Variants in FOLH1 observed in about 807,000 individuals in gnomAD.
The protein encoded by FOLH1 is glutamate carboxypeptidase 2.
In FOLH1, 54 loss-of-function variants were observed where a neutral mutation model predicts 93.9. The ratio of observed to expected loss-of-function variants is 0.57; its 90% CI spans 0.46 to 0.72. The LOEUF (loss-of-function observed/expected upper bound fraction) is 0.72. FOLH1 is among the 30% of genes least tolerant of loss of function. The probability of loss-of-function intolerance (pLI) is 0.00; values close to 1 mark genes in which losing one functional copy is unlikely to be tolerated. For missense variants in FOLH1, 571 were observed against 892.5 expected, an observed-to-expected ratio of 0.64 and a Z score of 4.59; for synonymous variants, 249 against 303.6, an observed-to-expected ratio of 0.82 and a Z score of 1.87.
intron 9 of FOLH1, 108 bp downstream of exon 9, chr11:49,174,784 T>C (rs545141977): frequency 8.4e-6 from 8 of 953,832 alleles, no homozygotes; most frequent in South Asian, 3.4e-5. Context: ...TTTCTTCGTT[T>C]GTTTGTTTGT....
chr11:49,174,891 C>T lies in FOLH1; in HGVS notation c.1105+1G>A. 2 of 1,605,000 alleles carry T rather than the reference C, an allele frequency of 1.2e-6. No homozygotes were observed. Among genetic ancestry groups the T allele is most frequent in the Non-Finnish European group, 1.7e-6 (2 of 1,173,626 alleles). ...ATTTGCTAAGCAAACGATTCCTTTA[C>T]CTGGTTCCACTGCTCCTCTGAGAGT... On this transcript the variant is annotated splice_donor_variant, in intron 9 of 18. Transcript: ENST00000256999. LOFTEE classifies it high-confidence loss of function.
At chr11:49,179,062 A>T (rs1365085514) in intron 7 of FOLH1, among the ~76,000 whole-genome samples, 1 of 152,224 alleles carries the variant, frequency 6.6e-6, no homozygotes, top group Non-Finnish European at 1.5e-5. Flanking sequence ...AAAAATTTGG[A>T]CAAAAGAAAG....
chr11:49,192,594 A>G (rs1001516848), intron 4 of FOLH1, among the ~76,000 whole-genome samples, 199 bp downstream of exon 4: 3 of 152,222 alleles, frequency 2.0e-5, no homozygotes, highest in Non-Finnish European at 2.9e-5. Context: ...CATTGCAGTA[A>G]GTTGTATCTT....
chr11:49,174,759 G>A (rs1859790365), intron 9 of FOLH1, 133 bp downstream of exon 9: 1 of 787,176 alleles, frequency 1.3e-6, no homozygotes, highest in Non-Finnish European at 2.0e-6. Context: ...TTGTTTTTAG[G>A]TGAGTTCCAC....
chr11:49,174,032 T>C (rs1859697005), intron 9 of FOLH1, among the ~76,000 whole-genome samples: 1 of 152,176 alleles, frequency 6.6e-6, no homozygotes, highest in African/African-American at 2.4e-5. Context: ...TGATAAAGCA[T>C]TGATCACCCT....
chr11:49,205,472 A>G (rs1317168672), intron 2 of FOLH1, among the ~76,000 whole-genome samples: 2 of 152,180 alleles, frequency 1.3e-5, no homozygotes, highest in Admixed American at 6.5e-5. Context: ...AAGAGAGCTC[A>G]GAAAGGTTAA....
At chr11:49,167,789 C>G (rs1319916147) in intron 12 of FOLH1, among the ~76,000 whole-genome samples, 1 of 151,766 alleles carries the variant, frequency 6.6e-6, no homozygotes, top group Non-Finnish European at 1.5e-5. Context: ...CCAACCTGGG[C>G]TGCGGAGTGA....
intron 12 of FOLH1, among the ~76,000 whole-genome samples, chr11:49,165,317 T>C (rs918747038): frequency 3.3e-5 from 5 of 152,238 alleles, no homozygotes; most frequent in African/African-American, 1.2e-4. Flanking sequence ...CTCTCTTGTT[T>C]GCTGCCATAC....
chr11:49,205,009 G>A (rs1185825879), intron 2 of FOLH1, among the ~76,000 whole-genome samples: 1 of 152,054 alleles, frequency 6.6e-6, no homozygotes, highest in Admixed American at 6.6e-5. Context: ...TCAGGAGTTT[G>A]AGACCAGCTT....
chr11:49,199,636 C>T (rs547098974), intron 3 of FOLH1, among the ~76,000 whole-genome samples: 51 of 152,280 alleles, frequency 3.3e-4, no homozygotes, highest in African/African-American at 1.1e-3. Flanking sequence ...CCTGGCCAGG[C>T]GCAGTGCCTC....
intron 4 of FOLH1, among the ~76,000 whole-genome samples, chr11:49,191,133 T>G (rs1240977605): frequency 6.6e-6 from 1 of 152,104 alleles, no homozygotes; most frequent in Non-Finnish European, 1.5e-5. Flanking sequence ...TGCCTCAGCC[T>G]CCGGAGTAGC....
intron 4 of FOLH1, among the ~76,000 whole-genome samples, chr11:49,190,115 A>AT (rs1219510280): frequency 6.6e-6 from 1 of 152,178 alleles, no homozygotes; most frequent in African/African-American, 2.4e-5. Flanking sequence ...CAGCAAAATA[A>AT]TTTTTTTAGT....
chr11:49,207,917 G>T (rs1864147881), intron 1 of FOLH1: 1 of 474,418 alleles, frequency 2.1e-6, no homozygotes, highest in Non-Finnish European at 4.2e-6. Flanking sequence ...AAGGAAGAAA[G>T]AATGCACAGA....
At chr11:49,184,117 A>G (rs770678799) in intron 6 of FOLH1, among the ~76,000 whole-genome samples, 2 of 152,190 alleles carry the variant, frequency 1.3e-5, no homozygotes, top group Non-Finnish European at 2.9e-5. Context: ...TAAGAAACTT[A>G]GGTAACTGCA....
chr11:49,181,503 A>T (rs772973848), intron 7 of FOLH1, among the ~76,000 whole-genome samples: 1 of 152,072 alleles, frequency 6.6e-6, no homozygotes, highest in Non-Finnish European at 1.5e-5. Flanking sequence ...GCATTTTTCT[A>T]TATTATTAAT....
chr11:49,205,553 A>T (rs1863819082), intron 2 of FOLH1, among the ~76,000 whole-genome samples: 1 of 152,208 alleles, frequency 6.6e-6, no homozygotes, highest in African/African-American at 2.4e-5. Context: ...CCATTTTTTT[A>T]ACTGAAATGC....
At chr11:49,208,070 A>G in intron 1 of FOLH1, 1 of 631,718 alleles carries the variant, frequency 1.6e-6, no homozygotes, top group Non-Finnish European at 2.8e-6. Flanking sequence ...CCTCAACCTG[A>G]GTGACTGTCC....
At chr11:49,157,188 C>T (rs868113929) in intron 14 of FOLH1, among the ~76,000 whole-genome samples, 3 of 151,860 alleles carry the variant, frequency 2.0e-5, no homozygotes, top group African/African-American at 4.8e-5. Flanking sequence ...CTGTTGACAT[C>T]GATAAACTCA....
At chr11:49,184,156 C>A (rs954601841) in intron 6 of FOLH1, among the ~76,000 whole-genome samples, 1 of 151,958 alleles carries the variant, frequency 6.6e-6, no homozygotes, top group African/African-American at 2.4e-5. Context: ...TAAAATGACA[C>A]AATGATATGC....
Sources: allele counts gnomAD v4.1 joint callset (sites outside exome capture counted in the v4.1 genomes callset), GRCh38; gene constraint gnomAD v4.1.1; transcripts MANE v1.5; gene names NCBI Gene and HGNC (gene_info 2026-07-23, HGNC 2026-07-21).